Variants in CIAO1 observed in about 807,000 individuals in gnomAD.
CIAO1 encodes the protein cytosolic iron-sulfur assembly component 1, also known as probable cytosolic iron-sulfur protein assembly protein CIAO1.
A neutral mutation model predicts 43.1 loss-of-function variants in CIAO1; 32 were observed. The observed-to-expected ratio is 0.74, with a 90% confidence interval of 0.56 to 1.00. The LOEUF (loss-of-function observed/expected upper bound fraction) is 1.00, where lower values mean the gene tolerates loss of function less well. CIAO1 is among the 50% of genes least tolerant of loss of function. CIAO1 has a pLI of 0.00. For synonymous variants in CIAO1, 183 were observed against 171.4 expected, an observed-to-expected ratio of 1.07 and a Z score of -0.53; for missense variants, 415 against 437.4, an observed-to-expected ratio of 0.95 and a Z score of 0.46.
rs1684500118 is a variant in CIAO1, at chr2:96,269,334, G to C, written c.758G>C (p.Arg253Thr). The C allele has an allele frequency of 6.2e-7, 1 of 1,614,158 alleles. No individual in the cohort carries two copies. The highest frequency in any genetic ancestry group is 8.5e-7 in the Non-Finnish European group (1 of 1,180,012). The change falls in exon 6 of 7, where the codon AGG (arginine) becomes ACG (threonine). Residue 253 changes from arginine to threonine, a missense_variant. Physicochemically the swap from Arg to Thr is moderately conservative, Grantham distance 71. Transcript: ENST00000488633. ...CICTLSGFHS[R>T]TIYDIAWCQL... is the part of the protein sequence containing the mutation. The stretch of plus-strand genomic sequence containing the variant: ...TGTACTTTGTCCGGCTTCCACTCAA[G>C]GACCATTTATGACATTGCTTGGTAA...
chr2:96,268,429 G>A (rs767437368), intron 4 of CIAO1, 28 bp from the exon 5 acceptor site: 3 of 1,606,490 alleles, frequency 1.9e-6, no homozygotes, highest in East Asian at 2.2e-5. Context: ...ACAGACACAT[G>A]TTGGGTTTCC....
rs1052694599 is a variant in CIAO1 at position 96,271,534 on chromosome 2, C to T, written c.*183C>T. 4 of 660,086 alleles carry T rather than the reference C, an allele frequency of 6.1e-6. No individual in the cohort carries two copies. Among genetic ancestry groups the T allele is most frequent in the Non-Finnish European group, 1.0e-5 (4 of 395,008 alleles). 40.9% of individuals were successfully genotyped at this position (660,086 alleles called of 1,614,324 possible). A position where few individuals can be genotyped will look rare whatever the true frequency, so the allele number is the denominator to read the frequency against. On this transcript the variant is annotated 3_prime_UTR_variant, in exon 7 of 7. Coordinates refer to ENST00000488633, the MANE Select transcript of CIAO1 (RefSeq NM_004804.3). The stretch of plus-strand genomic sequence containing the variant: ...TCCTTCCCCGCCTTTGACATGAGGC[C>T]TTCAGTAAAGAGCTACAGAACATGA...
chr2:96,266,458 C>T lies in CIAO1; in HGVS notation c.108C>T (p.Gly36=). The part of the protein sequence containing the change: ...PAGTLLASCG[G]DRRIRIWGTE... ...GGACCCTGCTGGCCTCGTGCGGCGG[C>T]GACCGGAGAATCCGCATCTGGGGCA... Residue 36 remains glycine (G), a synonymous_variant, in exon 1 of 7, where the codon GGC becomes GGT. Coordinates refer to ENST00000488633, the MANE Select transcript of CIAO1 (RefSeq NM_004804.3). 1.3e-6 allele frequency: 2 copies of T among 1,549,008 alleles called. No homozygotes were observed. The highest frequency in any genetic ancestry group is 1.2e-5 in the South Asian group (1 of 85,768).
intron 1 of CIAO1, 111 bp from the exon 2 acceptor site, chr2:96,267,210 A>G: frequency 9.5e-7 from 1 of 1,050,838 alleles, no homozygotes; most frequent in Non-Finnish European, 1.3e-6. Flanking sequence ...GCTGTGAAAT[A>G]CACTCCCTGA....
chr2:96,269,069 G>A, intron 5 of CIAO1, 199 bp from the exon 6 acceptor site: 1 of 616,666 alleles, frequency 1.6e-6, no homozygotes, highest in South Asian at 1.9e-5. Flanking sequence ...CAACAGAACA[G>A]GGATGTTTCC....
chr2:96,271,302 A>G lies in CIAO1; in HGVS notation c.971A>G (p.Asp324Gly), dbSNP rs747681488. The G allele has an allele frequency of 1.9e-6, 3 of 1,614,220 alleles. No homozygotes were observed. Among genetic ancestry groups the G allele is most frequent in the Non-Finnish European group, 2.5e-6 (3 of 1,180,032 alleles). The change falls in exon 7 of 7, where the codon GAT becomes GGT. Residue 324 changes from aspartate to glycine, a missense_variant. Transcript: ENST00000488633. ...KEPGLLASCS[D>G]DGEVAFWKYQ... ...CCAGGGCTACTGGCCTCCTGCAGTG[A>G]TGATGGGGAGGTGGCCTTCTGGAAG...
chr2:96,268,749 T>C (rs1443787287), intron 5 of CIAO1, 91 bp downstream of exon 5: 1 of 1,328,386 alleles, frequency 7.5e-7, no homozygotes. Flanking sequence ...CAAATGGGGG[T>C]AAAAGGTAAG....
At position 96,266,390 on chromosome 2, in the gene CIAO1, C is replaced by T; in HGVS notation, c.40C>T (p.His14Tyr). The T allele has an allele frequency of 6.6e-7, 1 of 1,522,652 alleles. No homozygotes were observed. Among genetic ancestry groups the T allele is most frequent in the Non-Finnish European group, 8.9e-7 (1 of 1,128,326 alleles). 94.3% of individuals were successfully genotyped at this position (1,522,652 alleles called of 1,614,324 possible). A position where few individuals can be genotyped will look rare whatever the true frequency, so the allele number is the denominator to read the frequency against. Residue 14 changes from histidine to tyrosine, a missense_variant, in exon 1 of 7, where the codon CAC (histidine) becomes TAC (tyrosine). Transcript: ENST00000488633. ...SLVLLGRVPA[H>Y]PDSRCWFLAW... The stretch of plus-strand genomic sequence containing the variant: ...GGTGCTGCTGGGCCGTGTCCCGGCG[C>T]ACCCGGACTCCCGCTGCTGGTTCCT...
At position 96,268,976 on chromosome 2, in the gene CIAO1, CTG is replaced by C. The variant is rs1684491339; in HGVS notation, c.692-291_692-290del. ...TGCATTTAAATGGGGCATAGGACGT[CTG>C]GGGTTTGGAGAGGAATAAAGTGGGT... On this transcript the variant is annotated intron_variant, in intron 5 of 6. Coordinates refer to ENST00000488633, the MANE Select transcript of CIAO1 (RefSeq NM_004804.3). The C allele has an allele frequency of 8.7e-6, 5 of 574,052 alleles. No individual in the cohort carries two copies. The South Asian group carries it at 1.0e-4, about 12-fold the overall frequency. The allele number at this position is 574,052 out of a possible 1,614,324, so 35.6% of individuals were successfully genotyped here.
Position 96,266,256 on chromosome 2 carries a change from A to G in CIAO1, c.-95A>G. ...AGCGGGAGCCTCTGTCGGCCGCGGA[A>G]GCCTGGAGTGGGCGGTACGCAGACG... On this transcript the variant is annotated 5_prime_UTR_variant, in exon 1 of 7. Coordinates refer to ENST00000488633, the MANE Select transcript of CIAO1 (RefSeq NM_004804.3). 1.6e-6 allele frequency: 2 copies of G among 1,251,244 alleles called. No individual in the cohort carries two copies. Among genetic ancestry groups the G allele is most frequent in the Non-Finnish European group, 2.0e-6 (2 of 987,164 alleles). The allele number at this position is 1,251,244 out of a possible 1,614,324, so 77.5% of individuals were successfully genotyped here.
At position 96,266,238 on chromosome 2, in the gene CIAO1, G is replaced by A. The variant is rs569518818; in HGVS notation, c.-113G>A. The A allele has an allele frequency of 4.5e-4, 537 of 1,188,482 alleles. 1 individual carries two copies. Among genetic ancestry groups the A allele is most frequent in the Admixed American group, 1.4e-3 (34 of 24,386 alleles). The allele number at this position is 1,188,482 out of a possible 1,614,324, so 73.6% of individuals were successfully genotyped here. On this transcript the variant is annotated 5_prime_UTR_variant, in exon 1 of 7. Coordinates refer to ENST00000488633, the MANE Select transcript of CIAO1 (RefSeq NM_004804.3). ...CCCAGGTCCTCCGGCGGAAGCGGGA[G>A]CCTCTGTCGGCCGCGGAAGCCTGGA...
chr2:96,267,574 G>T (rs1205431370), intron 2 of CIAO1, 51 bp from the exon 3 acceptor site: 2 of 1,608,892 alleles, frequency 1.2e-6, no homozygotes, highest in South Asian at 1.1e-5. Flanking sequence ...ATGGGAAGGG[G>T]CTTAGGGGTG....
Position 96,274,148 on chromosome 2 carries a change from G to C in CIAO1, c.*2797G>C, listed in dbSNP as rs1451333493. Among the ~76,000 whole-genome samples, 7 of 143,242 alleles carry C rather than the reference G, an allele frequency of 4.9e-5. No homozygotes were observed. Among genetic ancestry groups the C allele is most frequent in the Non-Finnish European group, 7.6e-5 (5 of 65,962 alleles). 94.0% of individuals were successfully genotyped at this position (143,242 alleles called of 152,430 possible). A position where few individuals can be genotyped will look rare whatever the true frequency, so the allele number is the denominator to read the frequency against. ...CTCCAGAACTGTGAAAAATAAATTT[G>C]TTATTTAAAAAGAAAAAAAAAAAAA... On this transcript the variant is annotated 3_prime_UTR_variant, in exon 7 of 7. Transcript: ENST00000488633.
Position 96,271,399 on chromosome 2 carries a change from TA to T in CIAO1, c.*50del, listed in dbSNP as rs766351551. 11 of 1,595,210 alleles carry T rather than the reference TA, an allele frequency of 6.9e-6. 1 individual carries two copies. The South Asian group carries it at 1.2e-4, about 18-fold the overall frequency. On this transcript the variant is annotated 3_prime_UTR_variant, in exon 7 of 7. Coordinates refer to ENST00000488633, the MANE Select transcript of CIAO1 (RefSeq NM_004804.3). ...TAATGACTCCCCAGAAAACGTCATA[TA>T]AGACTTTACCAGCCCCTGAGAGGAC... is the stretch of plus-strand genomic sequence containing the variant.
In CIAO1 at chr2:96,271,122, CAG is replaced by C. The variant is rs747733467; in HGVS notation, c.792_793del (p.Ala266SerfsTer8). 3.8e-5 allele frequency: 61 copies of C among 1,614,110 alleles called. No individual in the cohort carries two copies. Among genetic ancestry groups the C allele is most frequent in the Non-Finnish European group, 4.2e-5 (49 of 1,180,052 alleles). On this transcript the variant is annotated frameshift_variant, in exon 7 of 7. Coordinates refer to ENST00000488633, the MANE Select transcript of CIAO1 (RefSeq NM_004804.3). LOFTEE classifies it high-confidence loss of function. ...CACTTTCCTTCCAGGTGTCAGCTGA[CAG>C]GGGCTCTGGCCACAGCTTGTGGGGA...
At chr2:96,267,287 C>G in intron 1 of CIAO1, 34 bp from the exon 2 acceptor site, 1 of 1,592,754 alleles carries the variant, frequency 6.3e-7, no homozygotes, top group Non-Finnish European at 8.6e-7. Flanking sequence ...GTGCTGCACC[C>G]AGCTCCAGAG....
At position 96,271,242 on chromosome 2, in the gene CIAO1, A is replaced by G; in HGVS notation, c.911A>G (p.Gln304Arg). The G allele has an allele frequency of 1.2e-6, 2 of 1,614,246 alleles. No homozygotes were observed. The highest frequency in any genetic ancestry group is 1.7e-6 in the Non-Finnish European group (2 of 1,180,036). The change falls in exon 7 of 7, where the codon CAG becomes CGG. Residue 304 changes from glutamine to arginine, a missense_variant. By Grantham distance (43) the Gln-to-Arg change is conservative (BLOSUM62 1). Coordinates refer to ENST00000488633, the MANE Select transcript of CIAO1 (RefSeq NM_004804.3). Reference sequence around the variant, plus strand: ...GCCCACTTGCATCAGGCCCATTCCCAGGATGTCAACTGTGTGGCCTGGAAC... The same window carrying G: ...GCCCACTTGCATCAGGCCCATTCCCGGGATGTCAACTGTGTGGCCTGGAAC... ...LTAHLHQAHS[Q>R]DVNCVAWNPK...
At chr2:96,267,161 G>T in intron 1 of CIAO1, 160 bp from the exon 2 acceptor site, 1 of 168,078 alleles carries the variant, frequency 5.9e-6, no homozygotes, top group African/African-American at 3.7e-5. Context: ...AAAAAAAAAA[G>T]CTTCCAGACG....
At chr2:96,267,796 GA>G in intron 3 of CIAO1, 39 bp from the exon 4 acceptor site, 2 of 1,612,602 alleles carry the variant, frequency 1.2e-6, no homozygotes, top group Non-Finnish European at 1.7e-6. Context: ...CTGTGTCCCT[GA>G]CAGGGTCGGC....
Sources: allele counts gnomAD v4.1 joint callset (sites outside exome capture counted in the v4.1 genomes callset), GRCh38; gene constraint gnomAD v4.1.1; transcripts MANE v1.5; gene names NCBI Gene and HGNC (gene_info 2026-07-23, HGNC 2026-07-21).